LRBA: variants seen among roughly 807,000 people sequenced by gnomAD.
LRBA encodes the protein LPS responsive beige-like anchor protein.
In LRBA, 176 loss-of-function variants were observed where a neutral mutation model predicts 330.0. The observed-to-expected ratio is 0.53, with a 90% CI of 0.47 to 0.60. LRBA has a LOEUF of 0.60. LRBA is among the 20% of genes least tolerant of loss of function. LRBA has a pLI of 0.00. For synonymous variants in LRBA, 1,230 were observed against 1,193.0 expected, an observed-to-expected ratio of 1.03 and a Z score of -0.64; for missense variants, 3,259 against 3,444.8, an observed-to-expected ratio of 0.95 and a Z score of 1.35.
chr4:150,835,059 G>C (rs1420540651), intron 28 of LRBA, among the ~76,000 whole-genome samples: 1 of 152,084 alleles, frequency 6.6e-6, no homozygotes, highest in East Asian at 1.9e-4. Flanking sequence ...TATTAAATAG[G>C]GAATCCTTTC....
At position 150,788,386 on chromosome 4, in the gene LRBA, C is replaced by T. The variant is rs138991602; in HGVS notation, c.5580+9695G>A. Among the ~76,000 whole-genome samples the T allele has an allele frequency of 5.8e-3, 874 of 151,856 alleles. 5 individuals carry two copies. The highest frequency in any genetic ancestry group is 7.8e-3 in the Non-Finnish European group (527 of 67,968). ...GTGCTGGTATTACAGGCATGAGCCA[C>T]GATGCCTGGCGCTAATAAGATCTTA... is the stretch of plus-strand genomic sequence containing the variant. On this transcript the variant is annotated intron_variant, in intron 34 of 56. Coordinates refer to ENST00000651943, the MANE Select transcript of LRBA (RefSeq NM_001364905.1).
chr4:150,878,787 C>A (rs560235304), intron 17 of LRBA, among the ~76,000 whole-genome samples: 2 of 151,256 alleles, frequency 1.3e-5, no homozygotes, highest in Non-Finnish European at 1.5e-5. Context: ...GAAATTAAAA[C>A]CCTGAACAGA....
chr4:150,432,871 T>C (rs1158616307), intron 46 of LRBA, among the ~76,000 whole-genome samples: 1 of 152,198 alleles, frequency 6.6e-6, no homozygotes, highest in Non-Finnish European at 1.5e-5. Context: ...CAGGAGGTTC[T>C]TTAAATAGCC....
Position 150,810,751 on chromosome 4 carries a change from G to A in LRBA, c.5306-2353C>T, listed in dbSNP as rs531900131. Among the ~76,000 whole-genome samples the A allele has an allele frequency of 5.3e-3, 800 of 152,152 alleles. 8 individuals are homozygous for A. Among genetic ancestry groups the A allele is most frequent in the Non-Finnish European group, 5.9e-3 (403 of 67,976 alleles). On this transcript the variant is annotated intron_variant, in intron 31 of 56. Transcript: ENST00000651943. ...CAAGTAGCTGGGAATATAGGTGGAT[G>A]CCACCACACCTGGCTATTTTCTATT...
chr4:150,825,193 A>C (rs1746048791), intron 30 of LRBA, among the ~76,000 whole-genome samples: 1 of 152,246 alleles, frequency 6.6e-6, no homozygotes, highest in African/African-American at 2.4e-5. Flanking sequence ...AAATGTAAAC[A>C]ATGTAAATTT....
At chr4:150,382,875 T>C (rs1742480993) in intron 47 of LRBA, among the ~76,000 whole-genome samples, 2 of 152,142 alleles carry the variant, frequency 1.3e-5, no homozygotes, top group Non-Finnish European at 1.5e-5. Flanking sequence ...CTAACACTCA[T>C]AAGGACAAAC....
chr4:150,483,205 A>G (rs985943370), intron 42 of LRBA, among the ~76,000 whole-genome samples: 1 of 151,932 alleles, frequency 6.6e-6, no homozygotes, highest in Non-Finnish European at 1.5e-5. Context: ...TTCTTTTTGG[A>G]TATGGATAAC....
intron 17 of LRBA, among the ~76,000 whole-genome samples, chr4:150,873,105 A>G (rs1753624320): frequency 6.6e-6 from 1 of 152,208 alleles, no homozygotes; most frequent in South Asian, 2.1e-4. Flanking sequence ...GTAGAAAGAA[A>G]GCATTTCTAA....
In LRBA at chr4:150,436,747, C is replaced by T. The variant is rs775144831; in HGVS notation, c.6898G>A (p.Val2300Ile). The change falls in exon 45 of 57, where the codon GTT (valine) becomes ATT (isoleucine). Residue 2300 changes from valine (V) to isoleucine (I), a missense_variant. Physicochemically the swap from Val to Ile is conservative, Grantham distance 29. Transcript: ENST00000651943. The stretch of plus-strand genomic sequence containing the variant: ...ACTATTCTTAGCAGCCATGCAAGAA[C>T]AAAACTTGCAGTTGAGTAATGAGTA... The part of the protein sequence containing the change: ...YGTHYSTASF[V>I]LAWLLRIEPF... 2.9e-5 allele frequency: 47 copies of T among 1,612,354 alleles called. No homozygotes were observed. The highest frequency in any genetic ancestry group is 1.5e-5 in the Non-Finnish European group (18 of 1,179,028).
At position 150,424,600 on chromosome 4, in the gene LRBA, G is replaced by C. The variant is rs530860753; in HGVS notation, c.7042-9010C>G. ...ACAGGACACCAGGTGCCATCCCATAGCAGGGAGCACGTGCGCGCGTGCACA... is the reference window on the plus strand; with the variant it reads ...ACAGGACACCAGGTGCCATCCCATACCAGGGAGCACGTGCGCGCGTGCACA... On this transcript the variant is annotated intron_variant, in intron 46 of 56. Transcript: ENST00000651943. 2.3e-4 allele frequency among the ~76,000 whole-genome samples: 35 copies of C among 152,140 alleles called. No homozygotes were observed. The South Asian group carries it at 7.1e-3, about 31-fold the overall frequency.
intron 17 of LRBA, among the ~76,000 whole-genome samples, chr4:150,892,652 T>C (rs1282197363): frequency 6.6e-6 from 1 of 152,228 alleles, no homozygotes; most frequent in African/African-American, 2.4e-5. Context: ...AAATACAATG[T>C]TGAGTCAGAA....
In LRBA at chr4:150,497,320, T is replaced by G. The variant is rs537925640; in HGVS notation, c.6331-6285A>C. 7.4e-4 allele frequency among the ~76,000 whole-genome samples: 112 copies of G among 152,292 alleles called. 2 individuals are homozygous for G. The South Asian group carries it at 0.022, about 29-fold the overall frequency. ...TTGGTTTTAAAATTCAAGGATATAT[T>G]CTTTAAGTAAAATTTAGAGGTCTTT... On this transcript the variant is annotated intron_variant, in intron 40 of 56. Transcript: ENST00000651943.
chr4:150,735,433 C>G (rs1731058848), intron 35 of LRBA, 67 bp from the exon 36 acceptor site: 14 of 1,052,174 alleles, frequency 1.3e-5, no homozygotes, highest in Non-Finnish European at 2.1e-5. Flanking sequence ...TTATTCACTG[C>G]TTACGGTGGA....
chr4:150,460,921 T>C (rs565561002), intron 44 of LRBA, among the ~76,000 whole-genome samples: 1 of 152,006 alleles, frequency 6.6e-6, no homozygotes, highest in African/African-American at 2.4e-5. Context: ...AATGACTTCA[T>C]TTTATTCTTT....
intron 2 of LRBA, among the ~76,000 whole-genome samples, chr4:150,981,166 C>CA (rs1740786606): frequency 6.6e-6 from 1 of 151,186 alleles, no homozygotes; most frequent in Non-Finnish European, 1.5e-5. Flanking sequence ...GTAATCCCAG[C>CA]ACTTTGGGAG....
rs201565802 is a variant in LRBA, at chr4:150,297,934, G to GTACA, written c.8017+4687_8017+4690dup. Among the ~76,000 whole-genome samples, 1,112 of 152,238 alleles carry GTACA rather than the reference G, an allele frequency of 7.3e-3. 9 individuals carry two copies. The highest frequency in any genetic ancestry group is 0.026 in the African/African-American group (1,070 of 41,548). ...AGAACTCATATGGTTCAACACAAATGTACATACCTTGACATTTGTGACCCT... is the reference window on the plus strand; with the variant it reads ...AGAACTCATATGGTTCAACACAAATGTACATACATACCTTGACATTTGTGACCCT... On this transcript the variant is annotated intron_variant, in intron 53 of 56. Transcript: ENST00000651943.
intron 46 of LRBA, among the ~76,000 whole-genome samples, chr4:150,430,705 A>G (rs977906702): frequency 1.3e-5 from 2 of 152,028 alleles, no homozygotes; most frequent in Admixed American, 1.3e-4. Context: ...ACTTTTGTAC[A>G]GGTTATAATT....
intron 2 of LRBA, among the ~76,000 whole-genome samples, chr4:150,967,303 A>G (rs1739014781): frequency 6.6e-6 from 1 of 152,242 alleles, no homozygotes; most frequent in Non-Finnish European, 1.5e-5. Context: ...CTTGGGCAAC[A>G]ACGCAAAATG....
intron 47 of LRBA, among the ~76,000 whole-genome samples, chr4:150,392,199 G>A (rs11930294): frequency 0.22 from 32,871 of 151,904 alleles, 4,418 homozygotes; most frequent in Non-Finnish European, 0.31. Context: ...TTTGGACTGC[G>A]ATAACAAATA....
Sources: allele counts gnomAD v4.1 joint callset (sites outside exome capture counted in the v4.1 genomes callset), GRCh38; gene constraint gnomAD v4.1.1; transcripts MANE v1.5; gene names NCBI Gene and HGNC (gene_info 2026-07-23, HGNC 2026-07-21).